The following FNDC3B variants were observed in gnomAD, a reference collection of about 807,000 sequenced individuals.
FNDC3B encodes fibronectin type III domain containing 3B.
Under a neutral mutation model 151.5 loss-of-function variants are expected in FNDC3B, and 12 were observed. That is an observed-to-expected ratio of 0.08 (90% CI 0.05 to 0.13). The LOEUF (loss-of-function observed/expected upper bound fraction) is 0.13. Ranked by LOEUF, FNDC3B falls within the 10% of genes least tolerant of loss-of-function variation. The probability of loss-of-function intolerance (pLI) is 1.00; values close to 1 mark genes in which losing one functional copy is unlikely to be tolerated. For synonymous variants in FNDC3B, 528 were observed against 549.0 expected (o/e 0.96, Z 0.54); for missense variants, 1,214 against 1,505.3 (o/e 0.81, Z 3.20).
At position 172,344,195 on chromosome 3, in the gene FNDC3B, C is replaced by T. The variant is rs150745433; in HGVS notation, c.2187C>T (p.Thr729=). ...ACCATGGCCCAGAGCTGGAGTGCAC[C>T]GTCGGCAACCTGCTTCCTGGAACCG... The part of the protein sequence containing the change: ...EVYHGPELEC[T]VGNLLPGTVY... Residue 729 remains threonine (T), a synonymous_variant, in exon 19 of 26, where the codon ACC becomes ACT. Coordinates refer to ENST00000415807, the MANE Select transcript of FNDC3B (RefSeq NM_022763.4). The T allele has an allele frequency of 2.0e-5, 32 of 1,613,986 alleles. No homozygotes were observed. Among genetic ancestry groups the T allele is most frequent in the Non-Finnish European group, 1.3e-5 (15 of 1,179,996 alleles).
chr3:172,041,939 A>G (rs559290762), intron 1 of FNDC3B, among the ~76,000 whole-genome samples: 96 of 152,138 alleles, frequency 6.3e-4, no homozygotes, highest in Admixed American at 1.5e-3. Context: ...TACAATTCTC[A>G]CTTTGTTTAG....
chr3:172,078,016 C>T (rs904982760), intron 1 of FNDC3B, among the ~76,000 whole-genome samples: 1 of 152,182 alleles, frequency 6.6e-6, no homozygotes, highest in African/African-American at 2.4e-5. Flanking sequence ...GAGTCTCCCT[C>T]TGTCATCCAG....
chr3:172,308,581 G>T (rs1205356424), intron 10 of FNDC3B, among the ~76,000 whole-genome samples: 1 of 152,198 alleles, frequency 6.6e-6, no homozygotes, highest in East Asian at 1.9e-4. Context: ...GAGAGTAGTG[G>T]TTAGCAGCAA....
At chr3:172,176,093 G>A (rs1386079242) in intron 3 of FNDC3B, among the ~76,000 whole-genome samples, 1 of 152,204 alleles carries the variant, frequency 6.6e-6, no homozygotes, top group Non-Finnish European at 1.5e-5. Flanking sequence ...TCCAAGCCAG[G>A]TAATGGGTTG....
chr3:172,389,718 T>A (rs1218697830), intron 25 of FNDC3B, among the ~76,000 whole-genome samples: 1 of 151,778 alleles, frequency 6.6e-6, no homozygotes, highest in East Asian at 1.9e-4. Context: ...ACAAAAAAAA[T>A]AGCTGGGCGT....
chr3:172,253,648 A>G (rs1329680460), intron 6 of FNDC3B, among the ~76,000 whole-genome samples: 5 of 152,224 alleles, frequency 3.3e-5, no homozygotes, highest in Admixed American at 6.6e-5. Context: ...TAATAGGTTC[A>G]TATGTGGTTT....
intron 16 of FNDC3B, among the ~76,000 whole-genome samples, chr3:172,340,138 C>T (rs921342361): frequency 5.3e-5 from 8 of 152,228 alleles, no homozygotes; most frequent in Non-Finnish European, 1.2e-4. Flanking sequence ...TGAGGCAGCC[C>T]TGGGTGCCCT....
chr3:172,326,169 G>A (rs187358365), intron 11 of FNDC3B, among the ~76,000 whole-genome samples: 80 of 152,282 alleles, frequency 5.3e-4, no homozygotes, highest in African/African-American at 1.9e-3. Context: ...ACATGAATAT[G>A]TTCTTTTATT....
chr3:172,044,159 C>A (rs1215567737), intron 1 of FNDC3B, among the ~76,000 whole-genome samples: 1 of 152,096 alleles, frequency 6.6e-6, no homozygotes, highest in African/African-American at 2.4e-5. Flanking sequence ...TGTCCGATGG[C>A]AGATGTTCAA....
At chr3:172,225,175 T>C (rs1193279069) in intron 3 of FNDC3B, among the ~76,000 whole-genome samples, 1 of 152,204 alleles carries the variant, frequency 6.6e-6, no homozygotes, top group Non-Finnish European at 1.5e-5. Context: ...GTCTTCTGTT[T>C]TTAAAAACTT....
intron 25 of FNDC3B, among the ~76,000 whole-genome samples, chr3:172,391,465 G>A (rs560902846): frequency 1.3e-5 from 2 of 152,196 alleles, no homozygotes. Context: ...TCTAGTTTCT[G>A]TGCTTGAGAA....
chr3:172,130,831 G>C (rs1466372044), intron 2 of FNDC3B, among the ~76,000 whole-genome samples: 3 of 152,164 alleles, frequency 2.0e-5, no homozygotes, highest in Non-Finnish European at 4.4e-5. Context: ...CTAGGACATA[G>C]AGTCTTGGCA....
chr3:172,225,379 C>A, intron 3 of FNDC3B: 1 of 193,640 alleles, frequency 5.2e-6, no homozygotes, highest in Non-Finnish European at 1.1e-5. Context: ...CGCTATGTTG[C>A]CCAGGCTGGT....
At chr3:172,183,078 AG>A (rs1168185694) in intron 3 of FNDC3B, among the ~76,000 whole-genome samples, 1 of 152,202 alleles carries the variant, frequency 6.6e-6, no homozygotes, top group African/African-American at 2.4e-5. Flanking sequence ...GCCCCTGGGC[AG>A]TTGCTCTTTA....
chr3:172,242,328 G>C (rs548084922), intron 4 of FNDC3B, among the ~76,000 whole-genome samples: 1 of 152,200 alleles, frequency 6.6e-6, no homozygotes, highest in Non-Finnish European at 1.5e-5. Flanking sequence ...TAGGGACTTT[G>C]TATGGTGGCT....
At chr3:172,050,731 G>GTA (rs1457230351) in intron 1 of FNDC3B, among the ~76,000 whole-genome samples, 5 of 122,294 alleles carry the variant, frequency 4.1e-5, no homozygotes, top group Non-Finnish European at 7.2e-5. Flanking sequence ...GTGTGTGTGT[G>GTA]TGTATAGTGT....
chr3:172,188,029 C>G (rs1487605570), intron 3 of FNDC3B, among the ~76,000 whole-genome samples: 2 of 106,122 alleles, frequency 1.9e-5, no homozygotes, highest in Non-Finnish European at 3.8e-5. Flanking sequence ...GAGTTCTGTT[C>G]TTGTTGCCCA....
At chr3:172,122,988 T>G (rs147806661) in intron 2 of FNDC3B, among the ~76,000 whole-genome samples, 96 of 152,346 alleles carry the variant, frequency 6.3e-4, no homozygotes, top group African/African-American at 2.2e-3. Flanking sequence ...TGAAGGGACA[T>G]GGACTTGTGT....
At chr3:172,145,280 C>G (rs1721845048) in intron 3 of FNDC3B, among the ~76,000 whole-genome samples, 1 of 152,070 alleles carries the variant, frequency 6.6e-6, no homozygotes. Flanking sequence ...GGAGGTGTAG[C>G]ATCAAGGGAG....
Sources: gnomAD v4.1 joint callset for allele counts (sites outside exome capture counted in the v4.1 genomes callset) on GRCh38, gnomAD v4.1.1 for gene constraint, MANE v1.5 for transcripts, NCBI Gene and HGNC (gene_info 2026-07-23, HGNC 2026-07-21) for gene names.